The following MGAT5 variants were observed in gnomAD, a reference collection of about 807,000 sequenced individuals.
MGAT5 encodes alpha-1,6-mannosylglycoprotein 6-beta-N-acetylglucosaminyltransferase, also known as alpha-1,6-mannosylglycoprotein 6-beta-N-acetylglucosaminyltransferase A.
Under a neutral mutation model 94.3 loss-of-function variants are expected in MGAT5, and 30 were observed. The ratio of observed to expected loss-of-function variants is 0.32; its 90% CI spans 0.24 to 0.43. MGAT5 has a LOEUF of 0.43. Ranked by LOEUF, MGAT5 falls within the 20% of genes least tolerant of loss-of-function variation. The pLI, the probability that MGAT5 is intolerant of heterozygous loss-of-function variation, is 1.00. For missense variants in MGAT5, 691 were observed against 905.5 expected (o/e 0.76, Z 3.04); for synonymous variants, 310 against 322.9 (o/e 0.96, Z 0.43).
intron 1 of MGAT5, among the ~76,000 whole-genome samples, chr2:134,222,656 T>C (rs1458947128): frequency 1.3e-5 from 2 of 152,238 alleles, no homozygotes; most frequent in African/African-American, 4.8e-5. Context: ...ATACTAGTAT[T>C]TGGGAGAGAA....
chr2:134,222,924 CTG>C (rs1163149781), intron 1 of MGAT5, among the ~76,000 whole-genome samples: 1 of 152,112 alleles, frequency 6.6e-6, no homozygotes, highest in East Asian at 1.9e-4. Flanking sequence ...AGCTTGGTTT[CTG>C]TTAGACTTAC....
At chr2:134,130,352 G>A (rs1017699132) in intron 1 of MGAT5, among the ~76,000 whole-genome samples, 1 of 152,010 alleles carries the variant, frequency 6.6e-6, no homozygotes, top group Non-Finnish European at 1.5e-5. Flanking sequence ...CCCTTGCTCT[G>A]CTGCGCCGGG....
chr2:134,430,600 A>G (rs1463750288), intron 14 of MGAT5, among the ~76,000 whole-genome samples: 1 of 152,322 alleles, frequency 6.6e-6, no homozygotes, highest in East Asian at 1.9e-4. Flanking sequence ...CTTGGACTTC[A>G]TGATTTGGAA....
upstream of MGAT5, among the ~76,000 whole-genome samples, chr2:134,250,361 T>A (rs1573613758): frequency 6.6e-6 from 1 of 152,202 alleles, no homozygotes; most frequent in East Asian, 1.9e-4. Flanking sequence ...GACACAGCCG[T>A]TAGAAGGTCT....
intron 15 of MGAT5, among the ~76,000 whole-genome samples, chr2:134,445,986 C>T (rs1197827586): frequency 1.3e-5 from 2 of 152,188 alleles, no homozygotes; most frequent in African/African-American, 4.8e-5. Context: ...TGGGCACATG[C>T]ATGCCAGTAA....
intron 1 of MGAT5, among the ~76,000 whole-genome samples, chr2:134,230,111 T>C (rs1829457): frequency 0.065 from 9,944 of 152,198 alleles, 351 homozygotes; most frequent in East Asian, 0.086. Flanking sequence ...TGGCGGATAA[T>C]TTTTCCACGG....
At chr2:134,136,291 ACG>A (rs1206700006) in intron 1 of MGAT5, among the ~76,000 whole-genome samples, 1 of 152,126 alleles carries the variant, frequency 6.6e-6, no homozygotes, top group African/African-American at 2.4e-5. Context: ...GGGGGGCCAG[ACG>A]CGGTGGCTCA....
chr2:134,361,888 A>G (rs995912977), intron 9 of MGAT5, among the ~76,000 whole-genome samples: 2 of 152,208 alleles, frequency 1.3e-5, no homozygotes, highest in African/African-American at 2.4e-5. Flanking sequence ...CAGAACTCCC[A>G]GTCAGCCCTG....
Position 134,341,669 on chromosome 2 carries a change from G to A in MGAT5, c.887G>A (p.Gly296Asp). 1 of 1,613,518 alleles carries A rather than the reference G, an allele frequency of 6.2e-7. No individual in the cohort carries two copies. The highest frequency in any genetic ancestry group is 8.5e-7 in the Non-Finnish European group (1 of 1,179,694). ...AETAFSGGPL[G>D]ELVQWSDLIT... The stretch of plus-strand genomic sequence containing the variant: ...ACAGCTTTCAGTGGTGGCCCTCTTG[G>A]TGAATTAGTTCAATGGAGTGATTTA... Residue 296 changes from glycine (G) to aspartate (D), a missense_variant, in exon 7 of 16, where the codon GGT becomes GAT. Coordinates refer to ENST00000281923, the MANE Select transcript of MGAT5 (RefSeq NM_002410.5).
At chr2:134,197,787 C>T (rs938562783) in intron 1 of MGAT5, among the ~76,000 whole-genome samples, 1 of 152,150 alleles carries the variant, frequency 6.6e-6, no homozygotes, top group Admixed American at 6.5e-5. Context: ...GGGCTGGGCT[C>T]CTTCCTTCTG....
intron 1 of MGAT5, among the ~76,000 whole-genome samples, chr2:134,170,092 C>T (rs1688135614): frequency 6.6e-6 from 1 of 152,062 alleles, no homozygotes; most frequent in South Asian, 2.1e-4. Context: ...AGATTAAAAG[C>T]ACTGAAACTA....
chr2:134,161,104 C>T (rs1687710917), intron 1 of MGAT5, among the ~76,000 whole-genome samples: 1 of 152,222 alleles, frequency 6.6e-6, no homozygotes, highest in African/African-American at 2.4e-5. Flanking sequence ...CACTATTTGC[C>T]AGTGGTTGTG....
chr2:134,329,036 AT>A (rs1687799900), intron 4 of MGAT5, among the ~76,000 whole-genome samples: 2 of 152,228 alleles, frequency 1.3e-5, no homozygotes, highest in African/African-American at 4.8e-5. Flanking sequence ...TTTTTCAAAT[AT>A]AAGTATGTGA....
intron 2 of MGAT5, among the ~76,000 whole-genome samples, chr2:134,295,175 T>C (rs1205306233): frequency 2.6e-5 from 4 of 152,090 alleles, no homozygotes; most frequent in Non-Finnish European, 5.9e-5. Flanking sequence ...TTCCTTATGT[T>C]GATTGACATT....
chr2:134,356,335 C>T (rs949990113), intron 9 of MGAT5, among the ~76,000 whole-genome samples: 1 of 152,116 alleles, frequency 6.6e-6, no homozygotes. Flanking sequence ...CCCCCTCCTC[C>T]TCTTTCCCAA....
intron 1 of MGAT5, among the ~76,000 whole-genome samples, chr2:134,167,363 G>T (rs191208395): frequency 1.4e-4 from 21 of 152,340 alleles, no homozygotes; most frequent in Admixed American, 4.6e-4. Flanking sequence ...CTGAAGTAAT[G>T]GCCCAGCCCA....
intron 2 of MGAT5, among the ~76,000 whole-genome samples, chr2:134,275,084 T>C (rs1684279064): frequency 6.6e-6 from 1 of 152,146 alleles, no homozygotes; most frequent in African/African-American, 2.4e-5. Context: ...ACCCATGTCA[T>C]CAGTTTGTGT....
Position 134,279,665 on chromosome 2 carries a change from G to T in MGAT5, c.406+9115G>T, listed in dbSNP as rs532858343. ...GGACCTTGAAAGTGCGTCTACTCAG[G>T]GTTGTTCTTTGTATTGGTGATAGGA... On this transcript the variant is annotated intron_variant, in intron 2 of 15. Coordinates refer to ENST00000281923, the MANE Select transcript of MGAT5 (RefSeq NM_002410.5). 2.0e-5 allele frequency among the ~76,000 whole-genome samples: 3 copies of T among 152,272 alleles called. No homozygotes were observed. In the South Asian group the frequency reaches 6.2e-4, roughly 32 times the overall value.
chr2:134,401,223 C>A lies in MGAT5; in HGVS notation c.1381-1765C>A, dbSNP rs1246882041. 3.3e-5 allele frequency among the ~76,000 whole-genome samples: 5 copies of A among 152,276 alleles called. No homozygotes were observed. In the East Asian group the frequency reaches 9.7e-4, roughly 29 times the overall value. ...AGCCTTTACTTGGTTCTTTTCCCAA[C>A]CCACCCGCCAAAACTGGCAACCAGC... On this transcript the variant is annotated intron_variant, in intron 10 of 15. Transcript: ENST00000281923.
Sources: allele counts gnomAD v4.1 joint callset (sites outside exome capture counted in the v4.1 genomes callset), GRCh38; gene constraint gnomAD v4.1.1; transcripts MANE v1.5; gene names NCBI Gene and HGNC (gene_info 2026-07-23, HGNC 2026-07-21).